Variants in LRRTM4 observed in about 807,000 individuals in gnomAD.
LRRTM4 encodes leucine rich repeat transmembrane neuronal 4, also known as leucine-rich repeat transmembrane neuronal protein 4.
Under a neutral mutation model 47.6 loss-of-function variants are expected in LRRTM4, and 25 were observed. The ratio of observed to expected loss-of-function variants is 0.53; its 90% CI spans 0.38 to 0.73. LRRTM4 has a LOEUF of 0.73. Among genes scored for constraint, LRRTM4 ranks in the 30% least tolerant of loss-of-function variants. The probability of loss-of-function intolerance (pLI) is 0.00; values close to 1 mark genes in which losing one functional copy is unlikely to be tolerated. For synonymous variants in LRRTM4, 311 were observed against 269.5 expected, an observed-to-expected ratio of 1.15 and a Z score of -1.51; for missense variants, 638 against 713.4, an observed-to-expected ratio of 0.89 and a Z score of 1.20.
intron 3 of LRRTM4, among the ~76,000 whole-genome samples, chr2:76,846,728 A>G (rs972249699): frequency 6.6e-5 from 10 of 152,164 alleles, no homozygotes; most frequent in African/African-American, 2.2e-4. Context: ...TGCTTTACAT[A>G]CAAATGTTAA....
At chr2:77,512,770 G>A (rs968766466) in intron 3 of LRRTM4, among the ~76,000 whole-genome samples, 2 of 152,042 alleles carry the variant, frequency 1.3e-5, no homozygotes, top group Non-Finnish European at 2.9e-5. Context: ...GTATCCTGTG[G>A]ATATTATTGG....
intron 3 of LRRTM4, among the ~76,000 whole-genome samples, chr2:76,884,536 T>C (rs1333284468): frequency 6.6e-6 from 1 of 152,096 alleles, no homozygotes; most frequent in Non-Finnish European, 1.5e-5. Context: ...ATGCAAAAAA[T>C]TGTTAGGCCA....
chr2:77,224,336 C>A (rs1027252103), intron 3 of LRRTM4, among the ~76,000 whole-genome samples: 1 of 152,122 alleles, frequency 6.6e-6, no homozygotes, highest in Non-Finnish European at 1.5e-5. Flanking sequence ...GAAGCAATGG[C>A]AACAAAAGCC....
At position 77,405,285 on chromosome 2, in the gene LRRTM4, C is replaced by G. The variant is rs540620996; in HGVS notation, c.1551+113033G>C. ...CTTCTGGGAATTACACAAAGCCCAG[C>G]AGTAGTGTTACTTTTTCACCAACCA... On this transcript the variant is annotated intron_variant, in intron 3 of 3. Transcript: ENST00000409884. 9.9e-5 allele frequency among the ~76,000 whole-genome samples: 15 copies of G among 152,104 alleles called. No homozygotes were observed. The East Asian group carries it at 2.7e-3, about 28-fold the overall frequency.
At chr2:77,133,545 T>C (rs1175568872) in intron 3 of LRRTM4, among the ~76,000 whole-genome samples, 1 of 152,218 alleles carries the variant, frequency 6.6e-6, no homozygotes, top group African/African-American at 2.4e-5. Flanking sequence ...TTGAATAAGA[T>C]ACCATTTGGA....
chr2:76,790,524 G>C (rs1674916189), intron 3 of LRRTM4, among the ~76,000 whole-genome samples: 2 of 152,094 alleles, frequency 1.3e-5, no homozygotes, highest in African/African-American at 4.8e-5. Flanking sequence ...ATTTCAGAAA[G>C]TACTTTGGGG....
In LRRTM4 at chr2:77,492,442, G is replaced by A. The variant is rs528520313; in HGVS notation, c.1551+25876C>T. The stretch of plus-strand genomic sequence containing the variant: ...CCTGGCTAATCTTTTAATTTTGTGT[G>A]GAGATGGGGTCTTGCTATATTGCTG... On this transcript the variant is annotated intron_variant, in intron 3 of 3. Coordinates refer to ENST00000409884, the MANE Select transcript of LRRTM4 (RefSeq NM_001134745.3). Among the ~76,000 whole-genome samples, 10 of 152,104 alleles carry A rather than the reference G, an allele frequency of 6.6e-5. No homozygotes were observed. The South Asian group carries it at 2.1e-3, about 32-fold the overall frequency.
chr2:77,002,810 G>A (rs573952040), intron 3 of LRRTM4, among the ~76,000 whole-genome samples: 1 of 152,202 alleles, frequency 6.6e-6, no homozygotes, highest in East Asian at 1.9e-4. Context: ...TTAGAACACA[G>A]AATCTAAGCT....
intron 3 of LRRTM4, among the ~76,000 whole-genome samples, chr2:76,791,727 C>T (rs1201838166): frequency 3.9e-5 from 6 of 152,164 alleles, no homozygotes; most frequent in Non-Finnish European, 5.9e-5. Context: ...GTGACAGAAT[C>T]GACATGTAGA....
chr2:77,157,149 A>C (rs1672582068), intron 3 of LRRTM4, among the ~76,000 whole-genome samples: 1 of 152,194 alleles, frequency 6.6e-6, no homozygotes, highest in South Asian at 2.1e-4. Flanking sequence ...CAGAGTCATC[A>C]CATTAATGCA....
At chr2:76,843,908 C>CTTTTTTT (rs538704879) in intron 3 of LRRTM4, among the ~76,000 whole-genome samples, 6 of 145,374 alleles carry the variant, frequency 4.1e-5, no homozygotes, top group Non-Finnish European at 4.5e-5. Context: ...TTTCTTTTTT[C>CTTTTTTT]ATTTTTTTTT....
chr2:77,516,964 G>A, intron 3 of LRRTM4: 1 of 984,862 alleles, frequency 1.0e-6, no homozygotes, highest in Non-Finnish European at 1.2e-6. Context: ...GCATTAGAAA[G>A]GGCAACATCT....
chr2:76,985,466 C>T (rs1676761384), intron 3 of LRRTM4, among the ~76,000 whole-genome samples: 1 of 151,874 alleles, frequency 6.6e-6, no homozygotes, highest in Non-Finnish European at 1.5e-5. Flanking sequence ...ATAGGATGTC[C>T]CTTCCAGAGA....
chr2:76,894,832 G>A (rs914425381), intron 3 of LRRTM4, among the ~76,000 whole-genome samples: 8 of 150,260 alleles, frequency 5.3e-5, no homozygotes, highest in African/African-American at 1.7e-4. Context: ...CATATAATAC[G>A]TCTGTTGCAA....
chr2:77,158,254 C>T (rs1366067581), intron 3 of LRRTM4, among the ~76,000 whole-genome samples: 1 of 152,036 alleles, frequency 6.6e-6, no homozygotes, highest in Non-Finnish European at 1.5e-5. Flanking sequence ...TCTTATTTTA[C>T]AATAAAAATG....
intron 3 of LRRTM4, among the ~76,000 whole-genome samples, chr2:76,859,578 A>G (rs1252076721): frequency 6.6e-6 from 1 of 152,056 alleles, no homozygotes; most frequent in Non-Finnish European, 1.5e-5. Context: ...TATTTCCCTA[A>G]CCTATGACAG....
At chr2:76,858,698 A>G (rs1672227983) in intron 3 of LRRTM4, among the ~76,000 whole-genome samples, 1 of 152,212 alleles carries the variant, frequency 6.6e-6, no homozygotes, top group African/African-American at 2.4e-5. Flanking sequence ...GCAAACTGGT[A>G]TTCTCTGGCA....
chr2:76,914,929 T>C (rs72821268), intron 3 of LRRTM4, among the ~76,000 whole-genome samples: 2,596 of 152,330 alleles, frequency 0.017, 65 homozygotes, highest in East Asian at 0.085. Flanking sequence ...AGTTATCTTA[T>C]GCATTTTAAA....
At chr2:76,825,152 A>T (rs755418937) in intron 3 of LRRTM4, among the ~76,000 whole-genome samples, 19 of 151,664 alleles carry the variant, frequency 1.3e-4, no homozygotes, top group Non-Finnish European at 2.7e-4. Context: ...AATGTGATTA[A>T]AGTTAGAATG....
Sources: gnomAD v4.1 joint callset for allele counts (sites outside exome capture counted in the v4.1 genomes callset) on GRCh38, gnomAD v4.1.1 for gene constraint, MANE v1.5 for transcripts, NCBI Gene and HGNC (gene_info 2026-07-23, HGNC 2026-07-21) for gene names.